SPATA6: variants seen among roughly 807,000 people sequenced by gnomAD.
The protein encoded by SPATA6 is spermatogenesis-associated protein 6.
SPATA6 carries 56 observed loss-of-function variants against 65.3 expected under a neutral mutation model. The observed-to-expected ratio is 0.86, with a 90% CI of 0.69 to 1.07. SPATA6 has a LOEUF of 1.07. SPATA6 is among the 50% of genes least tolerant of loss of function. The probability of loss-of-function intolerance (pLI) is 0.00; values close to 1 mark genes in which losing one functional copy is unlikely to be tolerated. For missense variants in SPATA6, 590 were observed against 594.8 expected (o/e 0.99, Z 0.08); for synonymous variants, 199 against 213.2 (o/e 0.93, Z 0.58).
chr1:48,388,244 A>G (rs1649693370), intron 8 of SPATA6, among the ~76,000 whole-genome samples: 1 of 152,010 alleles, frequency 6.6e-6, no homozygotes, highest in Non-Finnish European at 1.5e-5. Context: ...TATAAACAAA[A>G]AAAAAATCAC....
intron 9 of SPATA6, among the ~76,000 whole-genome samples, chr1:48,380,954 G>T (rs928302859): frequency 6.6e-6 from 1 of 152,142 alleles, no homozygotes; most frequent in Non-Finnish European, 1.5e-5. Flanking sequence ...GGTGGGGGGC[G>T]GGGAGGATGT....
intron 9 of SPATA6, among the ~76,000 whole-genome samples, chr1:48,364,737 A>G (rs1570312401): frequency 6.6e-6 from 1 of 152,120 alleles, no homozygotes; most frequent in East Asian, 1.9e-4. Context: ...ATTTTCACCC[A>G]TTTTGTAGGT....
chr1:48,392,338 C>A (rs1413565052), intron 8 of SPATA6, among the ~76,000 whole-genome samples: 1 of 151,788 alleles, frequency 6.6e-6, no homozygotes, highest in Non-Finnish European at 1.5e-5. Context: ...AAAAAGAGGC[C>A]AGGATGGATG....
intron 9 of SPATA6, 148 bp from the exon 10 acceptor site, chr1:48,359,918 T>C: frequency 1.7e-6 from 1 of 591,780 alleles, no homozygotes. Context: ...ATGCCACAGC[T>C]ATAAAGATAA....
At chr1:48,311,585 T>G (rs943568308) in intron 11 of SPATA6, among the ~76,000 whole-genome samples, 2 of 151,786 alleles carry the variant, frequency 1.3e-5, no homozygotes, top group Non-Finnish European at 2.9e-5. Context: ...TTAAAAAAAC[T>G]TAGGGAGCCA....
At chr1:48,467,302 G>A (rs79501486) in intron 1 of SPATA6, among the ~76,000 whole-genome samples, 6,438 of 152,064 alleles carry the variant, frequency 0.042, 383 homozygotes, top group African/African-American at 0.13. Context: ...TCAGCAAAAA[G>A]TAAGCATGGA....
chr1:48,355,991 G>A (rs1646649255), intron 10 of SPATA6, among the ~76,000 whole-genome samples: 1 of 151,964 alleles, frequency 6.6e-6, no homozygotes, highest in South Asian at 2.1e-4. Context: ...GTAATTCTAT[G>A]TACAATGCCT....
intron 3 of SPATA6, among the ~76,000 whole-genome samples, chr1:48,437,894 TGA>T (rs1421076570): frequency 9.1e-6 from 1 of 109,306 alleles, no homozygotes; most frequent in Non-Finnish European, 2.3e-5. Context: ...TATACTGAAT[TGA>T]GAAAAAAAAA....
At chr1:48,388,155 CA>C (rs1250066290) in intron 8 of SPATA6, among the ~76,000 whole-genome samples, 2 of 152,076 alleles carry the variant, frequency 1.3e-5, no homozygotes, top group Admixed American at 1.3e-4. Context: ...TCCCAGTCCT[CA>C]GCAAAACTAG....
chr1:48,426,306 T>C (rs191734238), intron 3 of SPATA6, among the ~76,000 whole-genome samples: 10 of 152,286 alleles, frequency 6.6e-5, no homozygotes, highest in African/African-American at 2.4e-4. Flanking sequence ...AAGGGGTTTG[T>C]TCATTTCAAT....
intron 11 of SPATA6, chr1:48,325,812 T>C (rs1303563261): frequency 2.3e-6 from 1 of 439,060 alleles, no homozygotes; most frequent in Non-Finnish European, 4.5e-6. Flanking sequence ...TGCTGAGGCT[T>C]GTGAGGCTCC....
At chr1:48,279,711 A>G in the SPATA6 span, among the ~76,000 whole-genome samples, 1 of 152,220 alleles carries the variant, frequency 6.6e-6, no homozygotes, top group African/African-American at 2.4e-5. Context: ...AAAGAGACTT[A>G]GACTCCCACA....
intron 9 of SPATA6, among the ~76,000 whole-genome samples, chr1:48,378,611 A>G (rs1183950159): frequency 6.6e-6 from 1 of 152,196 alleles, no homozygotes; most frequent in South Asian, 2.1e-4. Flanking sequence ...AAGAAGCAAA[A>G]GCGGAAAGCC....
intron 3 of SPATA6, among the ~76,000 whole-genome samples, chr1:48,433,856 C>T (rs1330561079): frequency 6.6e-6 from 1 of 152,038 alleles, no homozygotes; most frequent in East Asian, 1.9e-4. Flanking sequence ...AAAGACTTTA[C>T]CTGATATTCC....
intron 11 of SPATA6, among the ~76,000 whole-genome samples, chr1:48,311,729 G>C (rs1557540339): frequency 6.6e-6 from 1 of 152,208 alleles, no homozygotes; most frequent in Non-Finnish European, 1.5e-5. Flanking sequence ...GTGCAGGACA[G>C]TGGGTGCAGT....
At chr1:48,301,285 AC>A (rs1644931721) in intron 12 of SPATA6, among the ~76,000 whole-genome samples, 1 of 150,730 alleles carries the variant, frequency 6.6e-6, no homozygotes, top group Admixed American at 6.6e-5. Context: ...CATTTCCAAT[AC>A]TAAAAGAAAA....
At chr1:48,467,731 T>A (rs547200366) in intron 1 of SPATA6, among the ~76,000 whole-genome samples, 2 of 152,184 alleles carry the variant, frequency 1.3e-5, no homozygotes, top group African/African-American at 4.8e-5. Flanking sequence ...AACCTAATTT[T>A]AAAAATGGGC....
chr1:48,452,604 G>A (rs1031071397), intron 2 of SPATA6, among the ~76,000 whole-genome samples: 13 of 151,972 alleles, frequency 8.6e-5, no homozygotes, highest in Non-Finnish European at 1.6e-4. Flanking sequence ...GACTGGTCTC[G>A]AACTCCTGAC....
the SPATA6 span, among the ~76,000 whole-genome samples, chr1:48,274,673 GC>G: frequency 2.0e-5 from 3 of 151,982 alleles, no homozygotes; most frequent in East Asian, 5.8e-4. Flanking sequence ...TATTTCTGAG[GC>G]CTCTGTTCTG....
Sources: gnomAD v4.1 joint callset for allele counts (sites outside exome capture counted in the v4.1 genomes callset) on GRCh38, gnomAD v4.1.1 for gene constraint, MANE v1.5 for transcripts, NCBI Gene and HGNC (gene_info 2026-07-23, HGNC 2026-07-21) for gene names.